Variants in JAK1 observed in about 807,000 individuals in gnomAD.
JAK1 encodes the protein Janus kinase 1.
A neutral mutation model predicts 136.6 loss-of-function variants in JAK1; 16 were observed. That is an observed-to-expected ratio of 0.12 (90% CI 0.08 to 0.18). The LOEUF is 0.18. JAK1 is among the 10% of genes least tolerant of loss of function. The probability of loss-of-function intolerance (pLI) is 1.00; values close to 1 mark genes in which losing one functional copy is unlikely to be tolerated. For missense variants in JAK1, 859 were observed against 1,450.1 expected (o/e 0.59, Z 6.62); for synonymous variants, 492 against 519.5 (o/e 0.95, Z 0.72).
chr1:65,052,116 C>CTTTTTTTT (rs1557775795), intron 1 of JAK1, among the ~76,000 whole-genome samples: 5 of 110,946 alleles, frequency 4.5e-5, no homozygotes, highest in Admixed American at 1.2e-4. Flanking sequence ...CCACGCCTGG[C>CTTTTTTTT]TATTTTTTTT....
chr1:64,938,655 T>C (rs1645833404), intron 1 of JAK1, among the ~76,000 whole-genome samples: 1 of 152,190 alleles, frequency 6.6e-6, no homozygotes, highest in Admixed American at 6.5e-5. Flanking sequence ...GTATTCACTG[T>C]AAATCAAACT....
At chr1:64,969,471 C>T (rs1646430905), upstream of JAK1, among the ~76,000 whole-genome samples, 1 of 151,514 alleles carries the variant, frequency 6.6e-6, no homozygotes, top group Non-Finnish European at 1.5e-5. Flanking sequence ...CAGACGTTGC[C>T]AAATGTCCCC....
intron 1 of JAK1, among the ~76,000 whole-genome samples, chr1:65,056,065 A>G (rs540004348): frequency 3.7e-4 from 57 of 152,350 alleles, no homozygotes; most frequent in African/African-American, 1.3e-3. Flanking sequence ...AACACTAAAC[A>G]TAAGGAGTGT....
At chr1:64,927,581 T>G (rs1022526163) in intron 1 of JAK1, among the ~76,000 whole-genome samples, 1 of 152,200 alleles carries the variant, frequency 6.6e-6, no homozygotes, top group African/African-American at 2.4e-5. Flanking sequence ...TTTTACATTA[T>G]AGGTATTTAA....
At chr1:64,902,581 A>T (rs113405754) in intron 1 of JAK1, among the ~76,000 whole-genome samples, 2,082 of 14,738 alleles carry the variant, frequency 0.14, 38 homozygotes, top group African/African-American at 0.19. Flanking sequence ...AGAGAGAGAG[A>T]GAGTGTGTGT....
At chr1:64,836,303 G>T in intron 22 of JAK1, 88 bp from the exon 23 acceptor site, 1 of 770,748 alleles carries the variant, frequency 1.3e-6, no homozygotes, top group Non-Finnish European at 2.3e-6. Context: ...CACCTCTTCG[G>T]TTTTTCTTAT....
chr1:64,847,146 G>C (rs955475059), intron 13 of JAK1, among the ~76,000 whole-genome samples: 3 of 152,236 alleles, frequency 2.0e-5, no homozygotes, highest in Non-Finnish European at 4.4e-5. Context: ...ATAGTCTGTA[G>C]AATCCTGGGT....
chr1:64,864,944 T>C lies in JAK1; in HGVS notation c.1019A>G (p.Lys340Arg), dbSNP rs1214583839. ...NVVSVEKEKN[K>R]LKRKKLENKH... Reference sequence around the variant, plus strand: ...ATTTTCCAGTTTTTTCCGCTTCAGTTTATTTTTTTCCTTTTCAACAGAAAC... The same window carrying C: ...ATTTTCCAGTTTTTTCCGCTTCAGTCTATTTTTTTCCTTTTCAACAGAAAC... Residue 340 changes from lysine (K) to arginine (R), a missense_variant, in exon 8 of 25, where the codon AAA becomes AGA. Coordinates refer to ENST00000342505, the MANE Select transcript of JAK1 (RefSeq NM_002227.4). The C allele has an allele frequency of 1.2e-6, 2 of 1,613,398 alleles. No homozygotes were observed. The highest frequency in any genetic ancestry group is 1.7e-6 in the Non-Finnish European group (2 of 1,179,808).
chr1:64,964,588 T>C (rs911218696), intron 1 of JAK1, among the ~76,000 whole-genome samples: 2 of 152,228 alleles, frequency 1.3e-5, no homozygotes, highest in Admixed American at 6.5e-5. Context: ...ATAATTAGTA[T>C]AGTATGAAAT....
intron 1 of JAK1, among the ~76,000 whole-genome samples, chr1:65,059,045 T>A (rs1319997301): frequency 6.6e-6 from 1 of 152,158 alleles, no homozygotes; most frequent in African/African-American, 2.4e-5. Context: ...CTCATTTGGT[T>A]TTCACAAGAC....
rs1191610070 is a variant in JAK1, at chr1:64,833,888, A to T, written c.*674T>A. On this transcript the variant is annotated 3_prime_UTR_variant, in exon 25 of 25. Transcript: ENST00000342505. The stretch of plus-strand genomic sequence containing the variant: ...CTTGAGAATTAACATGCAGCAAATT[A>T]TCTATTCCACAGCTATCCCCCCATG... 4.3e-6 allele frequency: 1 copy of T among 232,702 alleles called. No homozygotes were observed. Among genetic ancestry groups the T allele is most frequent in the African/African-American group, 2.2e-5 (1 of 45,330 alleles). 14.4% of individuals were successfully genotyped at this position (232,702 alleles called of 1,614,324 possible). A position where few individuals can be genotyped will look rare whatever the true frequency, so the allele number is the denominator to read the frequency against.
chr1:64,841,382 G>A, intron 18 of JAK1, 43 bp from the exon 19 acceptor site: 4 of 1,610,548 alleles, frequency 2.5e-6, no homozygotes, highest in Non-Finnish European at 3.4e-6. Context: ...GCAGTCGATT[G>A]CCAGGGATTG....
chr1:64,945,373 T>C (rs764441236), intron 1 of JAK1, among the ~76,000 whole-genome samples: 1 of 152,142 alleles, frequency 6.6e-6, no homozygotes, highest in Admixed American at 6.5e-5. Flanking sequence ...TCTGACCTTC[T>C]ACATACAAAG....
At chr1:64,922,185 C>T (rs780248359) in intron 1 of JAK1, among the ~76,000 whole-genome samples, 1 of 151,800 alleles carries the variant, frequency 6.6e-6, no homozygotes, top group African/African-American at 2.4e-5. Context: ...ACTAAATGCC[C>T]CCCACCCCCC....
Position 64,835,455 on chromosome 1 carries a change from G to C in JAK1, c.3310C>G (p.Leu1104Val). Reference sequence around the variant, plus strand: ...TTTCCTTCTTTTAACGTATTCACAAGTCTTGTGACTGTCATCTGGCCATGG... The same window carrying C: ...TTTCCTTCTTTTAACGTATTCACAACTCTTGTGACTGTCATCTGGCCATGG... ...PTHGQMTVTR[L>V]VNTLKEGKRL... The change falls in exon 24 of 25, where the codon CTT (leucine) becomes GTT (valine). Residue 1104 changes from leucine (L) to valine (V), a missense_variant. Transcript: ENST00000342505. 1 of 1,609,356 alleles carries C rather than the reference G, an allele frequency of 6.2e-7. No homozygotes were observed. Among genetic ancestry groups the C allele is most frequent in the Non-Finnish European group, 8.5e-7 (1 of 1,178,646 alleles).
chr1:64,913,641 G>GAGAAAGGA (rs1357274757), intron 1 of JAK1, among the ~76,000 whole-genome samples: 8 of 56,880 alleles, frequency 1.4e-4, no homozygotes, highest in Admixed American at 2.2e-4. Context: ...GGGAGGAAGG[G>GAGAAAGGA]AGGAAGGAAG....
At chr1:65,006,260 G>A (rs753339144) in intron 2 of JAK1, among the ~76,000 whole-genome samples, 5 of 152,200 alleles carry the variant, frequency 3.3e-5, no homozygotes, top group Non-Finnish European at 7.3e-5. Flanking sequence ...CACACAGACT[G>A]AAATATTTTA....
chr1:64,926,880 T>C (rs1305289882), intron 1 of JAK1, among the ~76,000 whole-genome samples: 3 of 152,186 alleles, frequency 2.0e-5, no homozygotes, highest in Non-Finnish European at 4.4e-5. Flanking sequence ...ACATGCTCCG[T>C]AGTATTTTGG....
intron 2 of JAK1, among the ~76,000 whole-genome samples, chr1:64,884,960 C>A (rs1644829808): frequency 6.6e-6 from 1 of 152,144 alleles, no homozygotes; most frequent in African/African-American, 2.4e-5. Flanking sequence ...CCCAAGGAGG[C>A]TCCCCCAAAC....
Sources: gnomAD v4.1 joint callset for allele counts (sites outside exome capture counted in the v4.1 genomes callset) on GRCh38, gnomAD v4.1.1 for gene constraint, MANE v1.5 for transcripts, NCBI Gene and HGNC (gene_info 2026-07-23, HGNC 2026-07-21) for gene names.